ADGRL3: variants seen among roughly 807,000 people sequenced by gnomAD.
The protein encoded by ADGRL3 is calcium-independent alpha-latrotoxin receptor 3.
ADGRL3 carries 62 observed loss-of-function variants against 153.5 expected under a neutral mutation model. The observed-to-expected ratio is 0.40, with a 90% CI of 0.33 to 0.50. ADGRL3 has a LOEUF of 0.50. ADGRL3 is among the 20% of genes least tolerant of loss of function. The pLI, the probability that ADGRL3 is intolerant of heterozygous loss-of-function variation, is 0.47. For synonymous variants in ADGRL3, 710 were observed against 672.5 expected (o/e 1.06, Z -0.86); for missense variants, 1,641 against 1,859.4 (o/e 0.88, Z 2.16).
chr4:61,358,074 G>T (rs945166052), intron 1 of ADGRL3, among the ~76,000 whole-genome samples: 9 of 152,082 alleles, frequency 5.9e-5, no homozygotes, highest in Admixed American at 3.9e-4. Context: ...ATTCCCATCA[G>T]GCTTTAGTTC....
At chr4:61,856,950 C>CTCTCTTTCTTTCTT (rs1554048271) in intron 9 of ADGRL3, among the ~76,000 whole-genome samples, 3 of 57,000 alleles carry the variant, frequency 5.3e-5, no homozygotes, top group African/African-American at 2.0e-4. Context: ...CTTTCTTCTT[C>CTCTCTTTCTTTCTT]TCTTTCTTTC....
chr4:62,034,819 T>C (rs1294912016), intron 23 of ADGRL3, among the ~76,000 whole-genome samples: 1 of 151,920 alleles, frequency 6.6e-6, no homozygotes, highest in African/African-American at 2.4e-5. Context: ...ATTAAAGTGG[T>C]CACTTTTACT....
At chr4:62,042,270 A>G (rs1728767937) in intron 24 of ADGRL3, among the ~76,000 whole-genome samples, 1 of 151,994 alleles carries the variant, frequency 6.6e-6, no homozygotes, top group South Asian at 2.1e-4. Context: ...TTAAATATAA[A>G]TGTAAGAAAT....
intron 8 of ADGRL3, among the ~76,000 whole-genome samples, chr4:61,760,545 G>T (rs1041986011): frequency 6.6e-6 from 1 of 152,180 alleles, no homozygotes. Context: ...AATTTTCCAG[G>T]TGCTGTCTGT....
At chr4:61,219,373 G>T in intron 1 of ADGRL3, among the ~76,000 whole-genome samples, 1 of 152,222 alleles carries the variant, frequency 6.6e-6, no homozygotes, top group Admixed American at 6.5e-5. Context: ...GACCTGTAAC[G>T]TAACTAGAAT....
chr4:61,943,745 C>G (rs1401030111), intron 15 of ADGRL3, among the ~76,000 whole-genome samples: 36 of 22,378 alleles, frequency 1.6e-3, no homozygotes, highest in African/African-American at 7.6e-3. Flanking sequence ...TTATCAGAGA[C>G]TAGGATTGCA....
intron 8 of ADGRL3, among the ~76,000 whole-genome samples, chr4:61,802,895 A>G (rs1161625575): frequency 6.6e-6 from 1 of 152,104 alleles, no homozygotes; most frequent in Non-Finnish European, 1.5e-5. Context: ...ATGATTTTTA[A>G]AAGAAAAATC....
chr4:61,552,799 C>G (rs940032093), intron 4 of ADGRL3, among the ~76,000 whole-genome samples: 1 of 152,138 alleles, frequency 6.6e-6, no homozygotes, highest in African/African-American at 2.4e-5. Flanking sequence ...CAAGAATACA[C>G]TATTAGACTT....
At chr4:61,241,064 G>A (rs2149322413) in intron 1 of ADGRL3, among the ~76,000 whole-genome samples, 1 of 152,012 alleles carries the variant, frequency 6.6e-6, no homozygotes, top group Admixed American at 6.6e-5. Context: ...AAAACTGTGT[G>A]TATATATATG....
intron 8 of ADGRL3, among the ~76,000 whole-genome samples, chr4:61,742,553 T>G (rs1300168858): frequency 1.3e-5 from 2 of 152,170 alleles, no homozygotes; most frequent in South Asian, 2.1e-4. Flanking sequence ...GTGCTGGGAT[T>G]ACAGGCGTGA....
Position 61,996,345 on chromosome 4 carries a change from T to G in ADGRL3, c.3291T>G (p.Thr1097=). ...TTTGGAGTTTTATAGGACCAGCAAC[T>G]TTGATAATTATGGTAAGAATTCCTA... ...YFIWSFIGPA[T]LIIMLNVIFL... The change falls in exon 20 of 27, where the codon ACT becomes ACG. Residue 1097 remains threonine (T), a synonymous_variant. Coordinates refer to ENST00000683033, the MANE Select transcript of ADGRL3 (RefSeq NM_001387552.1). 1.2e-6 allele frequency: 2 copies of G among 1,610,960 alleles called. No individual in the cohort carries two copies. The highest frequency in any genetic ancestry group is 1.7e-6 in the Non-Finnish European group (2 of 1,177,306).
In ADGRL3 at chr4:61,659,881, A is replaced by T. The variant is rs2094542440; in HGVS notation, c.474-16945A>T. On this transcript the variant is annotated intron_variant, in intron 5 of 26. Coordinates refer to ENST00000683033, the MANE Select transcript of ADGRL3 (RefSeq NM_001387552.1). ...TATTCATGCTAGGCTGGGTCATGAA[A>T]ATCAAGTGAAGATTACAAAAAAAAA... Among the ~76,000 whole-genome samples the T allele has an allele frequency of 2.8e-5, 4 of 145,278 alleles. No homozygotes were observed. In the South Asian group the frequency reaches 9.4e-4, roughly 34 times the overall value.
intron 17 of ADGRL3, 82 bp from the exon 18 acceptor site, chr4:61,979,481 G>A: frequency 9.2e-7 from 1 of 1,083,906 alleles, no homozygotes. Flanking sequence ...TTACTATCAT[G>A]CTTTGTGCAT....
intron 5 of ADGRL3, among the ~76,000 whole-genome samples, chr4:61,601,335 C>G (rs891563942): frequency 2.0e-5 from 3 of 152,188 alleles, no homozygotes; most frequent in African/African-American, 7.2e-5. Context: ...ACCATTCGAC[C>G]AGTTTTTGAA....
chr4:61,369,737 G>A (rs1203490717), intron 1 of ADGRL3, among the ~76,000 whole-genome samples: 1 of 152,132 alleles, frequency 6.6e-6, no homozygotes, highest in Non-Finnish European at 1.5e-5. Context: ...AATGATGCTG[G>A]CCTCATAAAA....
At chr4:61,462,448 A>G (rs924113630) in intron 2 of ADGRL3, among the ~76,000 whole-genome samples, 3 of 152,134 alleles carry the variant, frequency 2.0e-5, no homozygotes, top group Non-Finnish European at 2.9e-5. Context: ...GAAGGAAAAT[A>G]TTAGATTGGA....
intron 2 of ADGRL3, among the ~76,000 whole-genome samples, chr4:61,402,175 A>G (rs1456174638): frequency 2.0e-5 from 3 of 152,084 alleles, no homozygotes; most frequent in African/African-American, 4.8e-5. Flanking sequence ...TTACAAAAAC[A>G]AGCAGTGTGG....
At chr4:62,006,724 A>G (rs1413311345) in intron 21 of ADGRL3, among the ~76,000 whole-genome samples, 2 of 152,124 alleles carry the variant, frequency 1.3e-5, no homozygotes, top group African/African-American at 4.8e-5. Context: ...CTTTTAAAAC[A>G]TTAAGAAAAT....
At chr4:61,530,256 C>T (rs1261930012) in intron 4 of ADGRL3, among the ~76,000 whole-genome samples, 1 of 151,984 alleles carries the variant, frequency 6.6e-6, no homozygotes, top group African/African-American at 2.4e-5. Context: ...GATAGCATTT[C>T]TGACTGTCTC....
Sources: allele counts gnomAD v4.1 joint callset (sites outside exome capture counted in the v4.1 genomes callset), GRCh38; gene constraint gnomAD v4.1.1; transcripts MANE v1.5; gene names NCBI Gene and HGNC (gene_info 2026-07-23, HGNC 2026-07-21).